Variants in C8orf34 observed in about 807,000 individuals in gnomAD.
C8orf34 encodes the protein chromosome 8 open reading frame 34.
In C8orf34, 65 loss-of-function variants were observed where a neutral mutation model predicts 68.3. The ratio of observed to expected loss-of-function variants is 0.95; its 90% confidence interval spans 0.78 to 1.17. The LOEUF is 1.17. Ranked by LOEUF, C8orf34 falls within the 50% of genes most tolerant of loss-of-function variation. The probability of loss-of-function intolerance (pLI) is 0.00; values close to 1 mark genes in which losing one functional copy is unlikely to be tolerated. For missense variants in C8orf34, 664 were observed against 655.4 expected, an observed-to-expected ratio of 1.01 and a Z score of -0.14; for synonymous variants, 244 against 241.2, an observed-to-expected ratio of 1.01 and a Z score of -0.11.
chr8:68,684,688 T>C (rs1453571066), intron 8 of C8orf34, among the ~76,000 whole-genome samples: 1 of 152,126 alleles, frequency 6.6e-6, no homozygotes, highest in Non-Finnish European at 1.5e-5. Context: ...AGAATCCTGC[T>C]ATAAGCATGT....
intron 1 of C8orf34, among the ~76,000 whole-genome samples, chr8:68,362,126 G>A (rs1807028151): frequency 6.6e-6 from 1 of 152,126 alleles, no homozygotes; most frequent in Non-Finnish European, 1.5e-5. Flanking sequence ...ATTCAATTCA[G>A]GCAAGAATAA....
At chr8:68,463,449 G>A (rs1811948006) in intron 3 of C8orf34, among the ~76,000 whole-genome samples, 1 of 152,222 alleles carries the variant, frequency 6.6e-6, no homozygotes. Context: ...TATGAGGCCA[G>A]CATCATCCTG....
At chr8:68,453,398 A>G (rs952255315) in intron 3 of C8orf34, among the ~76,000 whole-genome samples, 4 of 152,044 alleles carry the variant, frequency 2.6e-5, no homozygotes, top group African/African-American at 9.7e-5. Context: ...AAGGTTTCCA[A>G]TTCATGAGCA....
chr8:68,521,999 A>G (rs748857820), intron 6 of C8orf34, 28 bp downstream of exon 6: 42 of 1,581,500 alleles, frequency 2.7e-5, no homozygotes, highest in Middle Eastern at 3.4e-4. Flanking sequence ...CTGAGATTCT[A>G]TATTACTAGT....
intron 5 of C8orf34, among the ~76,000 whole-genome samples, chr8:68,511,343 A>G (rs1348536942): frequency 2.0e-5 from 3 of 152,012 alleles, no homozygotes; most frequent in South Asian, 2.1e-4. Context: ...TCATTCCCCT[A>G]TTGACTAGGG....
intron 8 of C8orf34, among the ~76,000 whole-genome samples, chr8:68,679,379 A>C (rs773265362): frequency 3.9e-5 from 6 of 152,124 alleles, no homozygotes; most frequent in Non-Finnish European, 8.8e-5. Flanking sequence ...AAGAAGTGAA[A>C]GGTCTCTACA....
intron 4 of C8orf34, among the ~76,000 whole-genome samples, chr8:68,477,868 A>G (rs1850386): frequency 0.67 from 101,193 of 152,054 alleles, 34,038 homozygotes; most frequent in East Asian, 0.88. Context: ...TTGGTCCCTT[A>G]TAGCCACCAC....
chr8:68,704,400 G>GA (rs1187036641), intron 8 of C8orf34, among the ~76,000 whole-genome samples: 1 of 152,028 alleles, frequency 6.6e-6, no homozygotes. Flanking sequence ...CAAAACACCT[G>GA]AAAAAAGCAA....
intron 7 of C8orf34, among the ~76,000 whole-genome samples, chr8:68,562,384 T>G (rs978421524): frequency 8.5e-5 from 13 of 152,352 alleles, no homozygotes; most frequent in Admixed American, 5.2e-4. Context: ...TTAGCTGCTC[T>G]CTAAGTCTAA....
At chr8:68,565,752 C>T (rs1816568930) in intron 7 of C8orf34, among the ~76,000 whole-genome samples, 1 of 152,080 alleles carries the variant, frequency 6.6e-6, no homozygotes, top group Non-Finnish European at 1.5e-5. Flanking sequence ...TTTATTTCAC[C>T]TCTAAATAGA....
At chr8:68,706,938 T>A (rs192198987) in intron 8 of C8orf34, among the ~76,000 whole-genome samples, 2 of 152,150 alleles carry the variant, frequency 1.3e-5, no homozygotes, top group East Asian at 3.9e-4. Context: ...CTTTCCAATA[T>A]GAAAAGGAGG....
chr8:68,412,652 T>C (rs1809492652), intron 1 of C8orf34, among the ~76,000 whole-genome samples: 1 of 152,164 alleles, frequency 6.6e-6, no homozygotes, highest in Non-Finnish European at 1.5e-5. Context: ...GTCCTCTTTA[T>C]TGAACTCCTC....
intron 1 of C8orf34, among the ~76,000 whole-genome samples, chr8:68,345,149 A>G (rs750925434): frequency 1.3e-5 from 2 of 152,052 alleles, no homozygotes; most frequent in Non-Finnish European, 2.9e-5. Context: ...GATTGGCTTA[A>G]AAATCTTTGC....
chr8:68,696,040 G>A (rs905225402), intron 8 of C8orf34, among the ~76,000 whole-genome samples: 5 of 151,642 alleles, frequency 3.3e-5, no homozygotes, highest in Admixed American at 6.6e-5. Flanking sequence ...GGTGGCTCAC[G>A]CCTGTATTCC....
chr8:68,412,741 C>T (rs1191279850), intron 1 of C8orf34, among the ~76,000 whole-genome samples: 1 of 152,124 alleles, frequency 6.6e-6, no homozygotes, highest in Non-Finnish European at 1.5e-5. Flanking sequence ...ATTTTCTCAC[C>T]CTCTGTAGTC....
chr8:68,765,751 C>T (rs1395912141), intron 10 of C8orf34, among the ~76,000 whole-genome samples: 1 of 152,090 alleles, frequency 6.6e-6, no homozygotes, highest in East Asian at 1.9e-4. Context: ...TGGTTGGAAC[C>T]TTAATTCTGC....
At chr8:68,356,515 A>T (rs1378114801) in intron 1 of C8orf34, among the ~76,000 whole-genome samples, 1 of 152,140 alleles carries the variant, frequency 6.6e-6, no homozygotes, top group African/African-American at 2.4e-5. Context: ...CATACTCATC[A>T]ATACATTTCA....
rs138042468 is a variant in C8orf34, at chr8:68,557,320, A to G, written c.1105+24171A>G. Among the ~76,000 whole-genome samples, 751 of 152,324 alleles carry G rather than the reference A, an allele frequency of 4.9e-3. 6 individuals are homozygous for G. The highest frequency in any genetic ancestry group is 0.017 in the African/African-American group (724 of 41,576). On this transcript the variant is annotated intron_variant, in intron 7 of 13. Transcript: ENST00000518698. Reference sequence around the variant, plus strand: ...TGGGGGAATGATTTTCTTGTAAATTAAATTTTCTAATTAGCTAATCCTTTG... The same window carrying G: ...TGGGGGAATGATTTTCTTGTAAATTGAATTTTCTAATTAGCTAATCCTTTG...
intron 1 of C8orf34, among the ~76,000 whole-genome samples, chr8:68,336,699 C>T (rs1563629317): frequency 6.6e-6 from 1 of 152,196 alleles, no homozygotes; most frequent in Non-Finnish European, 1.5e-5. Context: ...GCACACCTAG[C>T]ATCCACATTT....
Sources: gnomAD v4.1 joint callset for allele counts (sites outside exome capture counted in the v4.1 genomes callset) on GRCh38, gnomAD v4.1.1 for gene constraint, MANE v1.5 for transcripts, NCBI Gene and HGNC (gene_info 2026-07-23, HGNC 2026-07-21) for gene names.